Variants in SOX5 observed in about 807,000 individuals in gnomAD.
SOX5 encodes the protein transcription factor SOX-5.
Under a neutral mutation model 92.0 loss-of-function variants are expected in SOX5, and 9 were observed. The ratio of observed to expected loss-of-function variants is 0.10; its 90% CI spans 0.06 to 0.17. The LOEUF (loss-of-function observed/expected upper bound fraction) is 0.17, where lower values mean the gene tolerates loss of function less well. SOX5 is among the 10% of genes least tolerant of loss of function. The probability of loss-of-function intolerance (pLI) is 1.00; values close to 1 mark genes in which losing one functional copy is unlikely to be tolerated. For missense variants in SOX5, 642 were observed against 944.5 expected, an observed-to-expected ratio of 0.68 and a Z score of 4.20; for synonymous variants, 344 against 336.3, an observed-to-expected ratio of 1.02 and a Z score of -0.25.
intron 2 of SOX5, among the ~76,000 whole-genome samples, chr12:24,355,282 C>CTTTTTTTTTTTTTTTTTTTTTTT (rs768157437): frequency 1.4e-5 from 1 of 71,920 alleles, no homozygotes; most frequent in Non-Finnish European, 2.3e-5. Context: ...AGGGGTGCAT[C>CTTTTTTTTTTTTTTTTTTTTTTT]TTTTTTTTTT....
intron 4 of SOX5, among the ~76,000 whole-genome samples, chr12:24,074,462 T>C (rs1045411310): frequency 2.0e-5 from 3 of 151,920 alleles, no homozygotes; most frequent in Admixed American, 6.6e-5. Context: ...TAGTTAAACA[T>C]TGCTGTACAT....
chr12:24,205,620 G>C (rs1001026185), intron 4 of SOX5, among the ~76,000 whole-genome samples: 1 of 152,158 alleles, frequency 6.6e-6, no homozygotes, highest in Non-Finnish European at 1.5e-5. Context: ...ACTTAGATAA[G>C]CAAGTTCTCA....
At chr12:24,132,347 T>G (rs890455460) in intron 4 of SOX5, among the ~76,000 whole-genome samples, 1 of 152,206 alleles carries the variant, frequency 6.6e-6, no homozygotes, top group Non-Finnish European at 1.5e-5. Flanking sequence ...ATAACTAACC[T>G]TTTGTTAAGG....
intron 4 of SOX5, among the ~76,000 whole-genome samples, chr12:24,123,852 A>T (rs1437668872): frequency 6.6e-6 from 1 of 152,184 alleles, no homozygotes; most frequent in Non-Finnish European, 1.5e-5. Context: ...TCCTCCCTGT[A>T]TTGAGCACCA....
At chr12:24,421,664 T>TACCAAACACA in intron 1 of SOX5, among the ~76,000 whole-genome samples, 4 of 152,228 alleles carry the variant, frequency 2.6e-5, no homozygotes, top group Non-Finnish European at 5.9e-5. Flanking sequence ...TCCTGTTTTC[T>TACCAAACACA]TCTTGTTTGC....
intron 4 of SOX5, among the ~76,000 whole-genome samples, chr12:23,750,379 A>G (rs1364853968): frequency 1.3e-5 from 2 of 151,684 alleles, no homozygotes; most frequent in African/African-American, 4.8e-5. Flanking sequence ...TGAGTAGATG[A>G]GGAAATAAAC....
intron 4 of SOX5, among the ~76,000 whole-genome samples, chr12:24,090,436 C>G (rs1944504201): frequency 1.3e-5 from 2 of 151,626 alleles, no homozygotes; most frequent in Admixed American, 6.6e-5. Flanking sequence ...CTAAATCATC[C>G]CAAGAGCTCA....
At chr12:23,793,557 T>G (rs562279368) in intron 3 of SOX5, among the ~76,000 whole-genome samples, 1 of 152,306 alleles carries the variant, frequency 6.6e-6, no homozygotes, top group East Asian at 1.9e-4. Context: ...TGGGGAATTC[T>G]AAAAAGTGCC....
At chr12:24,519,519 A>G (rs1439633814) in intron 1 of SOX5, among the ~76,000 whole-genome samples, 2 of 152,206 alleles carry the variant, frequency 1.3e-5, no homozygotes, top group East Asian at 1.9e-4. Flanking sequence ...ATACCATTCA[A>G]GATACCTGGA....
intron 4 of SOX5, among the ~76,000 whole-genome samples, chr12:23,976,324 C>T (rs1394024798): frequency 7.1e-6 from 1 of 141,290 alleles, no homozygotes; most frequent in South Asian, 2.2e-4. Flanking sequence ...CCGTAAAAGA[C>T]CTTCAGTTTC....
chr12:24,395,813 A>G (rs1324629910), intron 1 of SOX5, among the ~76,000 whole-genome samples: 1 of 152,158 alleles, frequency 6.6e-6, no homozygotes, highest in Non-Finnish European at 1.5e-5. Context: ...GCTGAAAACT[A>G]CTTTCAAACC....
At chr12:24,443,073 T>A (rs899003673) in intron 1 of SOX5, among the ~76,000 whole-genome samples, 3 of 148,458 alleles carry the variant, frequency 2.0e-5, no homozygotes, top group Non-Finnish European at 4.5e-5. Flanking sequence ...TGCCTCAGCC[T>A]CCCGAGTAGC....
intron 4 of SOX5, among the ~76,000 whole-genome samples, chr12:24,023,741 AT>A (rs1233154922): frequency 6.6e-6 from 1 of 152,044 alleles, no homozygotes; most frequent in African/African-American, 2.4e-5. Flanking sequence ...CTACATATAC[AT>A]TTATTTGTCT....
At chr12:24,520,974 C>T (rs896551372) in intron 1 of SOX5, among the ~76,000 whole-genome samples, 3 of 152,130 alleles carry the variant, frequency 2.0e-5, no homozygotes, top group South Asian at 4.2e-4. Context: ...ATAAATACAC[C>T]TAACATCAGA....
At chr12:23,695,118 C>CAAG in intron 6 of SOX5, among the ~76,000 whole-genome samples, 1 of 139,570 alleles carries the variant, frequency 7.2e-6, no homozygotes, top group Non-Finnish European at 1.5e-5. Context: ...AACCTTGTCT[C>CAAG]AAAAAAAAAA....
intron 4 of SOX5, among the ~76,000 whole-genome samples, chr12:23,957,481 T>C (rs1023275432): frequency 6.6e-6 from 1 of 152,214 alleles, no homozygotes; most frequent in Non-Finnish European, 1.5e-5. Flanking sequence ...GAACTGTGAT[T>C]GGCGTAGGGG....
chr12:23,711,890 C>A (rs1029736030), intron 6 of SOX5, among the ~76,000 whole-genome samples: 3 of 152,118 alleles, frequency 2.0e-5, no homozygotes, highest in Admixed American at 2.0e-4. Flanking sequence ...TTTTAACCAC[C>A]ATTTACCAAG....
intron 4 of SOX5, among the ~76,000 whole-genome samples, chr12:24,057,994 A>G (rs1004324499): frequency 9.2e-5 from 14 of 152,372 alleles, no homozygotes; most frequent in Middle Eastern, 3.4e-3. Context: ...AATGTGCCAT[A>G]AAGTAAATCC....
At chr12:24,548,358 T>C (rs1288444885) in intron 1 of SOX5, among the ~76,000 whole-genome samples, 4 of 152,186 alleles carry the variant, frequency 2.6e-5, no homozygotes, top group African/African-American at 4.8e-5. Context: ...ATTCAGCTAG[T>C]ATATTTGGTG....
Sources: allele counts gnomAD v4.1 joint callset (sites outside exome capture counted in the v4.1 genomes callset), GRCh38; gene constraint gnomAD v4.1.1; transcripts MANE v1.5; gene names NCBI Gene and HGNC (gene_info 2026-07-23, HGNC 2026-07-21).